Variants in COL11A1 observed in about 807,000 individuals in gnomAD.
The protein encoded by COL11A1 is collagen type XI alpha 1 chain, also known as collagen alpha-1(XI) chain.
A neutral mutation model predicts 265.2 loss-of-function variants in COL11A1; 74 were observed. That is an observed-to-expected ratio of 0.28 (90% confidence interval 0.23 to 0.34). The LOEUF is 0.34. COL11A1 is among the 10% of genes least tolerant of loss of function. The probability of loss-of-function intolerance (pLI) is 1.00; values close to 1 mark genes in which losing one functional copy is unlikely to be tolerated. For synonymous variants in COL11A1, 816 were observed against 727.6 expected (o/e 1.12, Z -1.96); for missense variants, 2,165 against 2,263.6 (o/e 0.96, Z 0.88).
chr1:103,061,223 A>G (rs755277696), intron 4 of COL11A1, among the ~76,000 whole-genome samples: 75 of 152,160 alleles, frequency 4.9e-4, no homozygotes, highest in Non-Finnish European at 7.9e-4. Context: ...TAAATCTTTA[A>G]TGCATATGCA....
intron 1 of COL11A1, among the ~76,000 whole-genome samples, chr1:103,093,369 A>G (rs1003440459): frequency 6.6e-5 from 10 of 152,176 alleles, no homozygotes; most frequent in African/African-American, 2.4e-4. Flanking sequence ...ACCATTAGAA[A>G]AACCACTGAG....
intron 4 of COL11A1, among the ~76,000 whole-genome samples, chr1:103,061,960 A>G (rs1670708901): frequency 6.6e-6 from 1 of 151,998 alleles, no homozygotes; most frequent in South Asian, 2.1e-4. Flanking sequence ...CCAACTAAGT[A>G]AGAGATAAGT....
chr1:103,098,905 G>A (rs1174683360), intron 1 of COL11A1, among the ~76,000 whole-genome samples: 1 of 151,784 alleles, frequency 6.6e-6, no homozygotes, highest in Non-Finnish European at 1.5e-5. Flanking sequence ...AATAGAGACT[G>A]ATAGTCTCAG....
intron 54 of COL11A1, among the ~76,000 whole-genome samples, chr1:102,899,728 T>G (rs1652947628): frequency 6.6e-6 from 1 of 152,140 alleles, no homozygotes; most frequent in East Asian, 1.9e-4. Context: ...TACCTTAATT[T>G]TCATAATAAA....
chr1:102,927,305 A>C (rs1254338562), intron 46 of COL11A1, among the ~76,000 whole-genome samples: 1 of 152,172 alleles, frequency 6.6e-6, no homozygotes, highest in African/African-American at 2.4e-5. Flanking sequence ...TTAAGACAAA[A>C]TGCTATAATC....
chr1:102,988,887 T>G (rs1663841126), intron 29 of COL11A1, among the ~76,000 whole-genome samples: 1 of 152,152 alleles, frequency 6.6e-6, no homozygotes, highest in Non-Finnish European at 1.5e-5. Flanking sequence ...CAATCCTGCA[T>G]GCAGACTTCA....
chr1:103,004,486 T>C lies in COL11A1; in HGVS notation c.1902A>G (p.Gly634=), dbSNP rs770037484. The C allele has an allele frequency of 1.2e-6, 2 of 1,611,730 alleles. No individual in the cohort carries two copies. Among genetic ancestry groups the C allele is most frequent in the Admixed American group, 1.7e-5 (1 of 60,002 alleles). The change falls in exon 20 of 67, where the codon GGA becomes GGG. Residue 634 remains glycine (G), a splice_region_variant and synonymous_variant. Coordinates refer to ENST00000370096, the MANE Select transcript of COL11A1 (RefSeq NM_001854.4). ...PGPPGDDGMR[G]EDGEIGPRGL... is the part of the protein sequence containing the mutation. ...CTCTTGGTCCAATTTCTCCATCTTC[T>C]CCCTGTCATTGACAAAATGAATGAG... is the stretch of plus-strand genomic sequence containing the variant.
intron 46 of COL11A1, among the ~76,000 whole-genome samples, chr1:102,923,616 T>A (rs574480465): frequency 8.2e-4 from 125 of 152,196 alleles, no homozygotes; most frequent in Non-Finnish European, 1.6e-3. Context: ...AATATTATAT[T>A]GTTTATTTTT....
intron 5 of COL11A1, 117 bp downstream of exon 5, chr1:103,030,999 T>C (rs1667939529): frequency 1.6e-6 from 2 of 1,255,590 alleles, no homozygotes; most frequent in Non-Finnish European, 1.1e-6. Context: ...TACAACACAA[T>C]TAAAATACAA....
At chr1:103,082,773 T>C in intron 2 of COL11A1, 32 bp downstream of exon 2, 2 of 1,561,612 alleles carry the variant, frequency 1.3e-6, no homozygotes, top group South Asian at 2.3e-5. Context: ...CTTTTAGTAA[T>C]AATAACAATA....
At chr1:103,085,647 T>A (rs566840068) in intron 1 of COL11A1, among the ~76,000 whole-genome samples, 1 of 152,286 alleles carries the variant, frequency 6.6e-6, no homozygotes, top group African/African-American at 2.4e-5. Flanking sequence ...AAGCAAAACA[T>A]TCAGAGTAGA....
At chr1:102,940,459 T>C in intron 42 of COL11A1, 25 bp from the exon 43 acceptor site, 1 of 1,560,122 alleles carries the variant, frequency 6.4e-7, no homozygotes, top group Non-Finnish European at 8.8e-7. Context: ...CAAAGATCAT[T>C]AATTTTACAG....
chr1:102,952,864 T>A (rs1457833655), intron 41 of COL11A1, among the ~76,000 whole-genome samples: 1 of 152,206 alleles, frequency 6.6e-6, no homozygotes, highest in Non-Finnish European at 1.5e-5. Flanking sequence ...TCCTTTAATC[T>A]CAACAGAATC....
chr1:103,017,281 G>A (rs1218472995), intron 11 of COL11A1, among the ~76,000 whole-genome samples: 1 of 151,898 alleles, frequency 6.6e-6, no homozygotes, highest in Non-Finnish European at 1.5e-5. Context: ...TATATGAAAA[G>A]TATAAGTTAT....
rs756343568 is a variant in COL11A1, at chr1:102,974,884, C to G, written c.2755-1G>C. On this transcript the variant is annotated splice_acceptor_variant, in intron 35 of 66. Coordinates refer to ENST00000370096, the MANE Select transcript of COL11A1 (RefSeq NM_001854.4). LOFTEE classifies it high-confidence loss of function. ...CTGGACCCTGAGGTCCTTGAGGACC[C>G]TGGAAATAAAAAGCAGTGGGGAGAA... 1 of 1,612,820 alleles carries G rather than the reference C, an allele frequency of 6.2e-7. No individual in the cohort carries two copies. Among genetic ancestry groups the G allele is most frequent in the East Asian group, 2.2e-5 (1 of 44,806 alleles).
At chr1:102,945,890 C>T (rs1379375835) in intron 42 of COL11A1, among the ~76,000 whole-genome samples, 9 of 150,808 alleles carry the variant, frequency 6.0e-5, no homozygotes, top group East Asian at 5.9e-4. Context: ...ATGTTTATTG[C>T]GGCACTATTC....
intron 1 of COL11A1, among the ~76,000 whole-genome samples, chr1:103,085,177 T>C (rs1277365220): frequency 1.3e-5 from 2 of 152,226 alleles, no homozygotes; most frequent in Non-Finnish European, 2.9e-5. Flanking sequence ...CATTATTTAT[T>C]ATGTGCATTT....
In COL11A1 at chr1:103,002,461, C is replaced by T. The variant is rs1476979886; in HGVS notation, c.2064G>A (p.Gly688=). 2 of 1,609,722 alleles carry T rather than the reference C, an allele frequency of 1.2e-6. No individual in the cohort carries two copies. The highest frequency in any genetic ancestry group is 1.3e-5 in the African/African-American group (1 of 74,794). Reference sequence around the variant, plus strand: ...CTGGATTCCCTTGTTGACCTGGAGGCCCAGGCTCCCCTTGGGGACCCTGCC... The same window carrying T: ...CTGGATTCCCTTGTTGACCTGGAGGTCCAGGCTCCCCTTGGGGACCCTGCC... ...KGNMGPQGEP[G]PPGQQGNPGP... The change falls in exon 23 of 67, where the codon GGG becomes GGA. Residue 688 remains glycine, a synonymous_variant. Coordinates refer to ENST00000370096, the MANE Select transcript of COL11A1 (RefSeq NM_001854.4).
At chr1:102,931,278 T>C (rs1359287117) in intron 46 of COL11A1, among the ~76,000 whole-genome samples, 2 of 151,562 alleles carry the variant, frequency 1.3e-5, no homozygotes, top group African/African-American at 4.9e-5. Flanking sequence ...GTCCCAGAGA[T>C]TCTGGTATAT....
Sources: gnomAD v4.1 joint callset for allele counts (sites outside exome capture counted in the v4.1 genomes callset) on GRCh38, gnomAD v4.1.1 for gene constraint, MANE v1.5 for transcripts, NCBI Gene and HGNC (gene_info 2026-07-23, HGNC 2026-07-21) for gene names.